NR6A1: variants seen among roughly 807,000 people sequenced by gnomAD.
NR6A1 encodes retinoic acid receptor-related testis-associated receptor.
NR6A1 carries 7 observed loss-of-function variants against 59.1 expected under a neutral mutation model. The ratio of observed to expected loss-of-function variants is 0.12; its 90% CI spans 0.07 to 0.22. The LOEUF (loss-of-function observed/expected upper bound fraction) is 0.22. NR6A1 is among the 10% of genes least tolerant of loss of function. The pLI is 1.00. For missense variants in NR6A1, 468 were observed against 611.6 expected, an observed-to-expected ratio of 0.77 and a Z score of 2.48; for synonymous variants, 243 against 236.1, an observed-to-expected ratio of 1.03 and a Z score of -0.27.
intron 2 of NR6A1, among the ~76,000 whole-genome samples, chr9:124,687,897 G>A (rs946819807): frequency 7.9e-5 from 12 of 152,114 alleles, no homozygotes; most frequent in African/African-American, 2.7e-4. Context: ...CTGAAACTTC[G>A]AATAGTACAC....
intron 2 of NR6A1, among the ~76,000 whole-genome samples, chr9:124,621,111 A>G (rs1266581635): frequency 1.3e-5 from 2 of 152,348 alleles, no homozygotes; most frequent in East Asian, 3.9e-4. Context: ...AGGAGTAATA[A>G]CCAAACAGTG....
chr9:124,715,707 G>A (rs1483505841), intron 2 of NR6A1, among the ~76,000 whole-genome samples: 1 of 151,728 alleles, frequency 6.6e-6, no homozygotes, highest in East Asian at 1.9e-4. Context: ...ACGGAAGTGG[G>A]GAGAAAAAAA....
At chr9:124,620,942 GCAGA>G (rs1381527221) in intron 2 of NR6A1, among the ~76,000 whole-genome samples, 5 of 152,114 alleles carry the variant, frequency 3.3e-5, no homozygotes, top group African/African-American at 4.8e-5. Context: ...ATCATGTGAG[GCAGA>G]CAGAGTAGGG....
intron 1 of NR6A1, 62 bp downstream of exon 1, chr9:124,770,958 C>T: frequency 1.1e-6 from 1 of 951,228 alleles, no homozygotes; most frequent in African/African-American, 1.7e-5. Flanking sequence ...GAGGGGGATC[C>T]CTGGCGGAGG....
At chr9:124,653,884 T>C (rs1837172755) in intron 2 of NR6A1, among the ~76,000 whole-genome samples, 1 of 152,240 alleles carries the variant, frequency 6.6e-6, no homozygotes, top group African/African-American at 2.4e-5. Flanking sequence ...GAACATATTA[T>C]TAACCAAACA....
At chr9:124,765,270 T>G (rs1840898273) in intron 1 of NR6A1, among the ~76,000 whole-genome samples, 1 of 152,186 alleles carries the variant, frequency 6.6e-6, no homozygotes, top group African/African-American at 2.4e-5. Context: ...ACACACTCCT[T>G]AAAGAAACTC....
At chr9:124,566,258 T>C (rs1201368096) in intron 2 of NR6A1, among the ~76,000 whole-genome samples, 1 of 152,216 alleles carries the variant, frequency 6.6e-6, no homozygotes, top group Non-Finnish European at 1.5e-5. Flanking sequence ...ACATACAGTG[T>C]TAAGAGTACG....
intron 1 of NR6A1, among the ~76,000 whole-genome samples, chr9:124,744,465 A>C (rs910656397): frequency 1.3e-5 from 2 of 152,222 alleles, no homozygotes; most frequent in African/African-American, 2.4e-5. Context: ...GAGCCACAAA[A>C]GTCAAAACAA....
rs570633295 is a variant in NR6A1, at chr9:124,552,250, C to T, written c.385+2078G>A. ...AGATGAGAGAAGTGGAGGCCAAAAC[C>T]AAAACAGGGTGAGGGCAGGAAGTTG... On this transcript the variant is annotated intron_variant, in intron 3 of 9. Coordinates refer to ENST00000487099, the MANE Select transcript of NR6A1 (RefSeq NM_033334.4). Among the ~76,000 whole-genome samples, 90 of 152,218 alleles carry T rather than the reference C, an allele frequency of 5.9e-4. 1 individual carries two copies. The South Asian group carries it at 0.018, about 30-fold the overall frequency.
chr9:124,650,372 C>T (rs577277091), intron 2 of NR6A1, among the ~76,000 whole-genome samples: 69 of 151,670 alleles, frequency 4.5e-4, no homozygotes, highest in Non-Finnish European at 8.7e-4. Context: ...TACATGGGAG[C>T]TTAAAAAAAA....
intron 3 of NR6A1, among the ~76,000 whole-genome samples, chr9:124,548,146 A>AG (rs1650167183): frequency 9.8e-6 from 1 of 102,276 alleles, no homozygotes; most frequent in South Asian, 3.8e-4. Flanking sequence ...AGCAAGGGGG[A>AG]GGGGGGAGGG....
At chr9:124,582,963 G>A (rs963716767) in intron 2 of NR6A1, among the ~76,000 whole-genome samples, 3 of 151,100 alleles carry the variant, frequency 2.0e-5, no homozygotes, top group East Asian at 2.0e-4. Context: ...AGAAGAGTAC[G>A]CCCTTCCCCC....
intron 1 of NR6A1, among the ~76,000 whole-genome samples, chr9:124,764,910 C>G (rs1455060271): frequency 6.6e-6 from 1 of 152,208 alleles, no homozygotes; most frequent in Admixed American, 6.5e-5. Context: ...AACATTACAC[C>G]TGCCAGCTGA....
intron 2 of NR6A1, among the ~76,000 whole-genome samples, chr9:124,618,148 C>G (rs1317377664): frequency 6.6e-6 from 1 of 152,150 alleles, no homozygotes; most frequent in Non-Finnish European, 1.5e-5. Context: ...TTAAACTGAG[C>G]TGGGGGCAAG....
chr9:124,683,780 T>A (rs150907450), intron 2 of NR6A1, among the ~76,000 whole-genome samples: 4 of 152,098 alleles, frequency 2.6e-5, no homozygotes, highest in African/African-American at 9.6e-5. Context: ...GCAACAAGAG[T>A]GAAACTCCAT....
rs150150572 is a variant in NR6A1 at position 124,527,961 on chromosome 9, T to C, written c.1080-1061A>G. On this transcript the variant is annotated intron_variant, in intron 7 of 9. Coordinates refer to ENST00000487099, the MANE Select transcript of NR6A1 (RefSeq NM_033334.4). ...TGAGTCATTCTAGGAGTGGCCTGGC[T>C]AGTGGGCAGTGGGTCCCAGAATAGG... Among the ~76,000 whole-genome samples, 1,002 of 152,296 alleles carry C rather than the reference T, an allele frequency of 6.6e-3. 8 individuals carry two copies. The highest frequency in any genetic ancestry group is 0.023 in the African/African-American group (952 of 41,550).
At chr9:124,615,004 C>T (rs1210952697) in intron 2 of NR6A1, among the ~76,000 whole-genome samples, 2 of 152,156 alleles carry the variant, frequency 1.3e-5, no homozygotes, top group Admixed American at 6.5e-5. Context: ...TTACTCAGTC[C>T]TGGTGAGGTT....
intron 2 of NR6A1, among the ~76,000 whole-genome samples, chr9:124,691,242 T>C (rs1190164371): frequency 6.6e-6 from 1 of 152,242 alleles, no homozygotes. Context: ...TGCAGAGTTT[T>C]GACAGAGGGT....
intron 1 of NR6A1, among the ~76,000 whole-genome samples, chr9:124,766,412 T>C (rs1050494350): frequency 3.3e-5 from 5 of 152,248 alleles, no homozygotes; most frequent in African/African-American, 1.2e-4. Context: ...ATTAGATAGC[T>C]ACCTTCTGTT....
Sources: allele counts gnomAD v4.1 joint callset (sites outside exome capture counted in the v4.1 genomes callset), GRCh38; gene constraint gnomAD v4.1.1; transcripts MANE v1.5; gene names NCBI Gene and HGNC (gene_info 2026-07-23, HGNC 2026-07-21).